ZNF516: variants seen among roughly 807,000 people sequenced by gnomAD.
ZNF516 encodes zinc finger protein 516.
Under a neutral mutation model 79.7 loss-of-function variants are expected in ZNF516, and 19 were observed. That is an observed-to-expected ratio of 0.24 (90% CI 0.17 to 0.35). The LOEUF is 0.35. Ranked by LOEUF, ZNF516 falls within the 10% of genes least tolerant of loss-of-function variation. ZNF516 has a pLI of 1.00. For missense variants in ZNF516, 1,678 were observed against 1,679.5 expected (o/e 1.00, Z 0.02); for synonymous variants, 877 against 739.5 (o/e 1.19, Z -3.02).
intron 1 of ZNF516, among the ~76,000 whole-genome samples, chr18:76,479,742 G>A (rs73479096): frequency 0.011 from 1,720 of 152,356 alleles, 43 homozygotes; most frequent in African/African-American, 0.039. Context: ...TTGCAAGAGT[G>A]TGCAGAGGGG....
intron 6 of ZNF516, among the ~76,000 whole-genome samples, chr18:76,364,889 C>T (rs1252546528): frequency 2.0e-5 from 3 of 152,118 alleles, no homozygotes; most frequent in Non-Finnish European, 2.9e-5. Context: ...GGGTAATTCG[C>T]CAAGTCTAAT....
intron 3 of ZNF516, among the ~76,000 whole-genome samples, chr18:76,390,926 T>C (rs1465602804): frequency 6.6e-6 from 1 of 152,094 alleles, no homozygotes; most frequent in Non-Finnish European, 1.5e-5. Context: ...GCAGCTTATC[T>C]AAGGCCATCA....
At chr18:76,362,632 A>C in intron 6 of ZNF516, 75 bp from the exon 7 acceptor site, 1 of 1,425,190 alleles carries the variant, frequency 7.0e-7, no homozygotes, top group South Asian at 1.2e-5. Flanking sequence ...TTTTCCTATT[A>C]ATTTTCTAAT....
At chr18:76,490,324 G>A in intron 1 of ZNF516, 1 of 295,958 alleles carries the variant, frequency 3.4e-6, no homozygotes, top group Non-Finnish European at 5.0e-6. Context: ...ATGCACAATA[G>A]TGGTATGTGG....
chr18:76,380,007 T>C lies in ZNF516; in HGVS notation c.2107A>G (p.Thr703Ala), dbSNP rs751687847. 11 of 1,613,986 alleles carry C rather than the reference T, an allele frequency of 6.8e-6. No individual in the cohort carries two copies. The highest frequency in any genetic ancestry group is 7.6e-6 in the Non-Finnish European group (9 of 1,179,878). Residue 703 changes from threonine to alanine, a missense_variant, in exon 4 of 7, where the codon ACG (threonine) becomes GCG (alanine). Coordinates refer to ENST00000443185, the MANE Select transcript of ZNF516 (RefSeq NM_014643.4). ...GACAGCTTTTCTGCAGGGTGACCCG[T>C]CTGGCCCTCCGCTCCCGTACTGGAA... ...FPSSTGAEGQTGHPAEKLSDL... is the reference protein window; with the variant it reads ...FPSSTGAEGQAGHPAEKLSDL...
At chr18:76,453,482 T>C (rs1228486389) in intron 2 of ZNF516, among the ~76,000 whole-genome samples, 1 of 152,174 alleles carries the variant, frequency 6.6e-6, no homozygotes, top group African/African-American at 2.4e-5. Context: ...TACACTACAA[T>C]AGTTAAAGCT....
chr18:76,454,238 G>T (rs908626659), intron 2 of ZNF516, among the ~76,000 whole-genome samples: 2 of 152,246 alleles, frequency 1.3e-5, no homozygotes, highest in East Asian at 3.9e-4. Flanking sequence ...AAACAAACAC[G>T]TCAATAATCA....
At position 76,461,844 on chromosome 18, in the gene ZNF516, G is replaced by A. The variant is rs539040972; in HGVS notation, c.-158+1184C>T. ...GTCAACAGGTATCCCCCGAGTGCCC[G>A]CCATGGGCCGGACCAGCTAGCAGGC... On this transcript the variant is annotated intron_variant, in intron 2 of 6. Transcript: ENST00000443185. 9.8e-5 allele frequency among the ~76,000 whole-genome samples: 15 copies of A among 152,324 alleles called. No individual in the cohort carries two copies. In the East Asian group the frequency reaches 2.9e-3, roughly 29 times the overall value.
intron 6 of ZNF516, among the ~76,000 whole-genome samples, chr18:76,368,023 G>A (rs906300682): frequency 2.0e-5 from 3 of 152,088 alleles, no homozygotes; most frequent in Non-Finnish European, 4.4e-5. Context: ...AAAAGAATCC[G>A]ATTTAAATAT....
At chr18:76,370,698 C>G in intron 5 of ZNF516, 103 bp from the exon 6 acceptor site, 2 of 978,320 alleles carry the variant, frequency 2.0e-6, no homozygotes, top group Non-Finnish European at 2.8e-6. Flanking sequence ...AAAAAGACAC[C>G]AGCGCCTAGC....
chr18:76,474,592 A>G (rs533837638), intron 1 of ZNF516, among the ~76,000 whole-genome samples: 160 of 152,360 alleles, frequency 1.1e-3, no homozygotes, highest in African/African-American at 3.5e-3. Context: ...ATTACTTGCT[A>G]CAATAATTAA....
chr18:76,493,834 C>CA lies in ZNF516; in HGVS notation c.-272+1309dup, dbSNP rs948545914. On this transcript the variant is annotated intron_variant, in intron 1 of 6. Coordinates refer to ENST00000443185, the MANE Select transcript of ZNF516 (RefSeq NM_014643.4). The surrounding 1 kb of genome is among the most constrained non-coding windows in gnomAD (Gnocchi z 5.2). Reference sequence around the variant, plus strand: ...CCACAGGTTACACCAGTCGCCTTTTCAAAAAATGTAAACCAACAATGCAGC... The same window carrying CA: ...CCACAGGTTACACCAGTCGCCTTTTCAAAAAAATGTAAACCAACAATGCAGC... The CA allele has an allele frequency of 2.6e-5, 4 of 152,276 alleles. No homozygotes were observed. Among genetic ancestry groups the CA allele is most frequent in the Admixed American group, 1.3e-4 (2 of 15,308 alleles). 9.4% of individuals were successfully genotyped at this position (152,276 alleles called of 1,614,324 possible).
chr18:76,418,007 G>A (rs947640267), intron 3 of ZNF516, among the ~76,000 whole-genome samples: 1 of 152,170 alleles, frequency 6.6e-6, no homozygotes, highest in Non-Finnish European at 1.5e-5. Context: ...AACGTCAGTT[G>A]AATATGAGGA....
At chr18:76,482,664 C>G (rs934226088) in intron 1 of ZNF516, among the ~76,000 whole-genome samples, 6 of 152,234 alleles carry the variant, frequency 3.9e-5, no homozygotes, top group Non-Finnish European at 5.9e-5. Flanking sequence ...TCTGGGAAGG[C>G]AGCCCTGTCG....
chr18:76,415,153 G>A (rs912560568), intron 3 of ZNF516, among the ~76,000 whole-genome samples: 3 of 152,108 alleles, frequency 2.0e-5, no homozygotes, highest in South Asian at 4.1e-4. Flanking sequence ...AGCCAGGATC[G>A]CCCCATTGCA....
In ZNF516 at chr18:76,493,718, A is replaced by G. The variant is rs1377913587; in HGVS notation, c.-272+1426T>C. On this transcript the variant is annotated intron_variant, in intron 1 of 6. Coordinates refer to ENST00000443185, the MANE Select transcript of ZNF516 (RefSeq NM_014643.4). The surrounding 1 kb of genome is among the most constrained non-coding windows in gnomAD (Gnocchi z 5.2). ...CTCCCCCTCCAGTTTCTTCCCCTGC[A>G]ATGATTTCAAAGACATTAAATCTTT... The G allele has an allele frequency of 6.6e-6, 1 of 152,232 alleles. No homozygotes were observed. The highest frequency in any genetic ancestry group is 2.4e-5 in the African/African-American group (1 of 41,440). The allele number at this position is 152,232 out of a possible 1,614,324, so 9.4% of individuals were successfully genotyped here.
At chr18:76,386,527 T>C (rs1368009411) in intron 3 of ZNF516, 3 of 152,100 alleles carry the variant, frequency 2.0e-5, no homozygotes, top group Admixed American at 6.5e-5. Flanking sequence ...ATATTAAGAT[T>C]ATACAGGGAA....
chr18:76,375,875 A>T (rs2074780209), intron 4 of ZNF516, among the ~76,000 whole-genome samples: 1 of 142,144 alleles, frequency 7.0e-6, no homozygotes, highest in Non-Finnish European at 1.5e-5. Flanking sequence ...TAAAGGATGG[A>T]CACAGAAGGT....
At chr18:76,455,385 AC>A (rs1169933745) in intron 2 of ZNF516, among the ~76,000 whole-genome samples, 1 of 151,870 alleles carries the variant, frequency 6.6e-6, no homozygotes, top group Non-Finnish European at 1.5e-5. Flanking sequence ...ACAACCCTAG[AC>A]TCCTTTTCTC....
Sources: allele counts gnomAD v4.1 joint callset (sites outside exome capture counted in the v4.1 genomes callset), GRCh38; gene constraint gnomAD v4.1.1; non-coding constraint Gnocchi (gnomAD v3.1); transcripts MANE v1.5; gene names NCBI Gene and HGNC (gene_info 2026-07-23, HGNC 2026-07-21).